KMT2C: variants seen among roughly 807,000 people sequenced by gnomAD.
KMT2C encodes lysine methyltransferase 2C, also known as histone-lysine N-methyltransferase 2C.
Under a neutral mutation model 507.9 loss-of-function variants are expected in KMT2C, and 88 were observed. The ratio of observed to expected loss-of-function variants is 0.17; its 90% confidence interval spans 0.15 to 0.21. KMT2C has a LOEUF of 0.21. KMT2C is among the 10% of genes least tolerant of loss of function. KMT2C has a pLI of 1.00. For missense variants in KMT2C, 4,954 were observed against 5,957.8 expected (o/e 0.83, Z 5.55); for synonymous variants, 2,049 against 2,080.8 (o/e 0.98, Z 0.42).
At chr7:152,150,017 T>C (rs1395271220) in intron 51 of KMT2C, among the ~76,000 whole-genome samples, 1 of 152,212 alleles carries the variant, frequency 6.6e-6, no homozygotes, top group East Asian at 1.9e-4. Flanking sequence ...TACAAACAAC[T>C]ACCTGTTAAA....
chr7:152,287,110 C>T (rs542944032), intron 6 of KMT2C, among the ~76,000 whole-genome samples: 42 of 152,280 alleles, frequency 2.8e-4, no homozygotes, highest in African/African-American at 8.9e-4. Flanking sequence ...TGAGCAGTAA[C>T]GCGGCTTCCT....
chr7:152,278,889 T>C (rs1190215678), intron 6 of KMT2C, among the ~76,000 whole-genome samples: 6 of 152,396 alleles, frequency 3.9e-5, no homozygotes, highest in Non-Finnish European at 7.3e-5. Context: ...GACTTTAACA[T>C]AGCTCTCAAA....
chr7:152,343,188 G>A (rs1265787530), intron 2 of KMT2C, among the ~76,000 whole-genome samples: 1 of 152,150 alleles, frequency 6.6e-6, no homozygotes, highest in Non-Finnish European at 1.5e-5. Flanking sequence ...GATCAGATGA[G>A]GAATTGAAAG....
At chr7:152,262,722 A>T (rs1423860107) in intron 9 of KMT2C, among the ~76,000 whole-genome samples, 1 of 152,234 alleles carries the variant, frequency 6.6e-6, no homozygotes, top group Admixed American at 6.5e-5. Context: ...AGCTTTTATT[A>T]AAAATTCTAG....
chr7:152,168,098 CT>C (rs2092811245), intron 41 of KMT2C, among the ~76,000 whole-genome samples: 1 of 152,028 alleles, frequency 6.6e-6, no homozygotes, highest in African/African-American at 2.4e-5. Flanking sequence ...CCAATATTCT[CT>C]TCTTTATTCT....
chr7:152,420,764 G>A (rs1362675180), intron 1 of KMT2C, among the ~76,000 whole-genome samples: 2 of 151,864 alleles, frequency 1.3e-5, no homozygotes, highest in African/African-American at 4.8e-5. Context: ...GAACCCGGGA[G>A]GCACAGGTTG....
rs777630321 is a variant in KMT2C at position 152,156,293 on chromosome 7, T to C, written c.11724A>G (p.Pro3908=). The C allele has an allele frequency of 3.7e-6, 6 of 1,613,722 alleles. No homozygotes were observed. The highest frequency in any genetic ancestry group is 5.1e-6 in the Non-Finnish European group (6 of 1,179,938). ...CCATCTTCTGACAAGCCATAGGAGG[T>C]GGTGTAGGAGGAAGAGAGGCAGGGG... ...PTPPASLPPT[P]PPMACQKMAN... Residue 3908 remains proline, a synonymous_variant, in exon 45 of 59, where the codon CCA becomes CCG. Coordinates refer to ENST00000262189, the MANE Select transcript of KMT2C (RefSeq NM_170606.3).
intron 1 of KMT2C, among the ~76,000 whole-genome samples, chr7:152,371,876 A>C (rs2097296004): frequency 6.6e-6 from 1 of 152,016 alleles, no homozygotes; most frequent in Non-Finnish European, 1.5e-5. Context: ...GGCCTCCCTA[A>C]GTGCTGGTAT....
Position 152,230,348 on chromosome 7 carries a change from C to T in KMT2C, c.2770-27G>A, listed in dbSNP as rs371294134. On this transcript the variant is annotated intron_variant, in intron 16 of 58. Transcript: ENST00000262189. Reference sequence around the variant, plus strand: ...TATAAAAAGCAAAATACACAGAATACGAAGTTATATTTTTCACTTGTTTTA... The same window carrying T: ...TATAAAAAGCAAAATACACAGAATATGAAGTTATATTTTTCACTTGTTTTA... 95 of 1,038,434 alleles carry T rather than the reference C, an allele frequency of 9.1e-5. 1 individual carries two copies. Among genetic ancestry groups the T allele is most frequent in the South Asian group, 4.6e-4 (31 of 67,092 alleles). The allele number at this position is 1,038,434 out of a possible 1,614,324, so 64.3% of individuals were successfully genotyped here.
rs2094068732 is a variant in KMT2C at position 152,199,505 on chromosome 7, A to C, written c.4093-46T>G. The C allele has an allele frequency of 4.1e-6, 5 of 1,205,386 alleles. No homozygotes were observed. The East Asian group carries it at 1.3e-4, about 31-fold the overall frequency. The allele number at this position is 1,205,386 out of a possible 1,614,324, so 74.7% of individuals were successfully genotyped here. ...ACAAAAATGGTTAGAAAATTCTAAA[A>C]AGACAATAGATTATTCTGTCATGGT... On this transcript the variant is annotated intron_variant, in intron 26 of 58. Transcript: ENST00000262189.
intron 39 of KMT2C, 91 bp downstream of exon 39, chr7:152,174,040 C>T (rs773798991): frequency 1.4e-6 from 1 of 693,808 alleles, no homozygotes; most frequent in Non-Finnish European, 2.5e-6. Context: ...TAGACAAGGG[C>T]TTTCCATTTT....
intron 27 of KMT2C, among the ~76,000 whole-genome samples, chr7:152,197,234 A>G (rs2093990178): frequency 6.6e-6 from 1 of 152,218 alleles, no homozygotes; most frequent in Non-Finnish European, 1.5e-5. Context: ...ACGTGGATGA[A>G]TGAAAGGGAA....
At chr7:152,343,332 G>T (rs747712377) in intron 2 of KMT2C, among the ~76,000 whole-genome samples, 2 of 151,494 alleles carry the variant, frequency 1.3e-5, no homozygotes, top group African/African-American at 4.9e-5. Context: ...TAACAGAAAT[G>T]ATGAATGCTT....
chr7:152,224,512 G>T lies in KMT2C; in HGVS notation c.3081C>A (p.Asp1027Glu). 6.2e-7 allele frequency: 1 copy of T among 1,611,898 alleles called. No individual in the cohort carries two copies. The highest frequency in any genetic ancestry group is 8.5e-7 in the Non-Finnish European group (1 of 1,179,792). ...TDPGRLLLCD[D>E]CDISYHTYCL... ...AGTAGGTGTGATAACTTATGTCACAGTCATCACACAGCAGGAGTCTTCCTG... is the reference window on the plus strand; with the variant it reads ...AGTAGGTGTGATAACTTATGTCACATTCATCACACAGCAGGAGTCTTCCTG... Residue 1027 changes from aspartate (D) to glutamate (E), a missense_variant, in exon 19 of 59, where the codon GAC becomes GAA. Transcript: ENST00000262189.
intron 9 of KMT2C, among the ~76,000 whole-genome samples, chr7:152,253,157 A>G (rs1415287464): frequency 3.9e-5 from 6 of 152,070 alleles, no homozygotes; most frequent in Admixed American, 3.9e-4. Context: ...GCCTGGCCTT[A>G]GGGTATACAC....
In KMT2C at chr7:152,146,746, A is replaced by G. The variant is rs1241975095; in HGVS notation, c.13895-11T>C. 1.2e-6 allele frequency: 2 copies of G among 1,612,088 alleles called. No individual in the cohort carries two copies. The highest frequency in any genetic ancestry group is 2.7e-5 in the African/African-American group (2 of 74,824). On this transcript the variant is annotated splice_polypyrimidine_tract_variant and intron_variant, in intron 52 of 58. Coordinates refer to ENST00000262189, the MANE Select transcript of KMT2C (RefSeq NM_170606.3). The stretch of plus-strand genomic sequence containing the variant: ...TCTTATCCCAGACACCTACACAGGG[A>G]CAAAAACATAATTTTTATAGGAAAT...
intron 6 of KMT2C, among the ~76,000 whole-genome samples, chr7:152,292,332 A>T (rs1031409768): frequency 6.6e-6 from 1 of 151,146 alleles, no homozygotes; most frequent in Non-Finnish European, 1.5e-5. Context: ...TGTGGCGCGC[A>T]CACACACACA....
At chr7:152,364,629 A>AG (rs1191903705) in intron 1 of KMT2C, among the ~76,000 whole-genome samples, 2 of 147,648 alleles carry the variant, frequency 1.4e-5, no homozygotes, top group South Asian at 2.2e-4. Flanking sequence ...AAGAAAAGAA[A>AG]AAAAGAAAAA....
At position 152,181,090 on chromosome 7, in the gene KMT2C, C is replaced by T. The variant is rs1456698574; in HGVS notation, c.6770G>A (p.Arg2257Gln). 13 of 1,613,966 alleles carry T rather than the reference C, an allele frequency of 8.1e-6. No individual in the cohort carries two copies. Among genetic ancestry groups the T allele is most frequent in the Middle Eastern group, 1.6e-4 (1 of 6,084 alleles). ...CAACGGGCCAGGTAAAGCTGGTCCT[C>T]GGTTTTGTGCTGCTTGCAGGAAAGG... Reference protein sequence around the residue: ...QDPFLQAAQNRGPALPGPLVR... With the variant: ...QDPFLQAAQNQGPALPGPLVR... Residue 2257 changes from arginine to glutamine, a missense_variant, in exon 36 of 59, where the codon CGA becomes CAA. Arg to Gln is a conservative substitution (Grantham distance 43, BLOSUM62 1). Around this residue, in one of 29 missense-constraint regions of KMT2C, gnomAD observed 1,689 missense variants for 1,654.3 expected, o/e 1.02. Coordinates refer to ENST00000262189, the MANE Select transcript of KMT2C (RefSeq NM_170606.3).
Sources: gnomAD v4.1 joint callset for allele counts (sites outside exome capture counted in the v4.1 genomes callset) on GRCh38, gnomAD v4.1.1 for gene constraint, gnomAD v4.1.1 regional missense constraint, MANE v1.5 for transcripts, NCBI Gene and HGNC (gene_info 2026-07-23, HGNC 2026-07-21) for gene names.